MYO1C: variants seen among roughly 807,000 people sequenced by gnomAD.
MYO1C encodes myosin IC, also known as unconventional myosin-Ic.
Under a neutral mutation model 150.8 loss-of-function variants are expected in MYO1C, and 104 were observed. That is an observed-to-expected ratio of 0.69 (90% CI 0.59 to 0.81). MYO1C has a LOEUF of 0.81. Among genes scored for constraint, MYO1C ranks in the 30% least tolerant of loss-of-function variants. The pLI, the probability that MYO1C is intolerant of heterozygous loss-of-function variation, is 0.00. For missense variants in MYO1C, 1,504 were observed against 1,435.0 expected (o/e 1.05, Z -0.78); for synonymous variants, 663 against 579.9 (o/e 1.14, Z -2.06).
rs555554012 is a variant in MYO1C at position 1,477,933 on chromosome 17, A to G, written c.1440T>C (p.Cys480=). The part of the protein sequence containing the change: ...PVQYFNNKII[C]DLVEEKFKGI... The stretch of plus-strand genomic sequence containing the variant: ...CCTTAAACTTCTCCTCCACCAGATC[A>G]CAGATGATTTTGTTGTTGAAATACT... The change falls in exon 13 of 32, where the codon TGT becomes TGC. Residue 480 remains cysteine, a synonymous_variant. Coordinates refer to ENST00000648651, the MANE Select transcript of MYO1C (RefSeq NM_001080779.2). 9 of 1,614,166 alleles carry G rather than the reference A, an allele frequency of 5.6e-6. No homozygotes were observed. In the Admixed American group the frequency reaches 1.3e-4, roughly 24 times the overall value.
chr17:1,477,834 G>T, intron 13 of MYO1C, 57 bp downstream of exon 13: 1 of 1,490,440 alleles, frequency 6.7e-7, no homozygotes, highest in South Asian at 1.1e-5. Flanking sequence ...AACGGAGAAG[G>T]GGGACATCCT....
chr17:1,475,591 C>T (rs552504765), intron 14 of MYO1C, among the ~76,000 whole-genome samples: 22 of 152,362 alleles, frequency 1.4e-4, no homozygotes, highest in East Asian at 7.7e-4. Flanking sequence ...TTGCTTCGGC[C>T]GCTGCGGGCT....
At chr17:1,491,663 G>T (rs2150972250) in intron 1 of MYO1C, 3 of 980,426 alleles carry the variant, frequency 3.1e-6, no homozygotes, top group Non-Finnish European at 3.6e-6. Context: ...GGGGATCCGC[G>T]GCCCGGGCGC....
chr17:1,477,730 AC>A, intron 13 of MYO1C, 134 bp from the exon 14 acceptor site: 1 of 993,060 alleles, frequency 1.0e-6, no homozygotes, highest in South Asian at 1.3e-5. Flanking sequence ...AGAGCTTCCA[AC>A]TGGGGCGGCA....
At position 1,471,950 on chromosome 17, in the gene MYO1C, C is replaced by G. The variant is rs1440257643; in HGVS notation, c.1978G>C (p.Ala660Pro). 1 of 1,614,166 alleles carries G rather than the reference C, an allele frequency of 6.2e-7. No homozygotes were observed. Among genetic ancestry groups the G allele is most frequent in the South Asian group, 1.1e-5 (1 of 91,090 alleles). Reference protein sequence around the residue: ...GLLENLRVRRAGFAYRRKYEA... With the variant: ...GLLENLRVRRPGFAYRRKYEA... The stretch of plus-strand genomic sequence containing the variant: ...TATTTGCGGCGATAGGCAAAGCCGG[C>G]TCTGCGCACGCGCAGGTTTTCCAAC... The change falls in exon 19 of 32, where the codon GCC becomes CCC. Residue 660 changes from alanine to proline, a missense_variant. By Grantham distance (27) the Ala-to-Pro change is conservative. Coordinates refer to ENST00000648651, the MANE Select transcript of MYO1C (RefSeq NM_001080779.2).
At chr17:1,472,783 G>A (rs1451039358) in intron 17 of MYO1C, among the ~76,000 whole-genome samples, 2 of 149,858 alleles carry the variant, frequency 1.3e-5, no homozygotes, top group African/African-American at 5.1e-5. Flanking sequence ...ATGACGCTCT[G>A]CTGAGCTTTA....
In MYO1C at chr17:1,479,525, C is replaced by G. The variant is rs115442427; in HGVS notation, c.1021-23G>C. On this transcript the variant is annotated intron_variant, in intron 8 of 31. Transcript: ENST00000648651. The surrounding 1 kb of genome is among the most constrained non-coding windows in gnomAD (Gnocchi z 4.2). ...GAGCTGCCAAGGGCAGGCGAGGACA[C>G]GGTGAGGGTGCACCCCCAGCCCCCG... 6.6e-7 allele frequency: 1 copy of G among 1,505,658 alleles called. No individual in the cohort carries two copies. Among genetic ancestry groups the G allele is most frequent in the South Asian group, 1.2e-5 (1 of 83,950 alleles). The allele number at this position is 1,505,658 out of a possible 1,614,324, so 93.3% of individuals were successfully genotyped here. A position where few individuals can be genotyped will look rare whatever the true frequency, so the allele number is the denominator to read the frequency against.
chr17:1,478,303 C>G lies in MYO1C; in HGVS notation c.1295+107G>C. The G allele has an allele frequency of 6.4e-7, 1 of 1,557,994 alleles. No homozygotes were observed. The highest frequency in any genetic ancestry group is 2.2e-5 in the East Asian group (1 of 44,602). On this transcript the variant is annotated intron_variant, in intron 11 of 31. Coordinates refer to ENST00000648651, the MANE Select transcript of MYO1C (RefSeq NM_001080779.2). The surrounding 1 kb of genome is among the most constrained non-coding windows in gnomAD (Gnocchi z 6.3). ...AGGAGGTGAGAAACACAGAGACAGT[C>G]CCCGGCTGGCTGGGGAGTCACAGGG...
chr17:1,483,546 G>A, intron 3 of MYO1C, 64 bp downstream of exon 3: 2 of 1,188,734 alleles, frequency 1.7e-6, no homozygotes, highest in African/African-American at 1.5e-5. Flanking sequence ...TAAGGTAAGG[G>A]TTGGGCGGGG....
rs760799167 is a variant in MYO1C, at chr17:1,469,531, C to T, written c.2610G>A (p.Gln870=). 3 of 1,609,790 alleles carry T rather than the reference C, an allele frequency of 1.9e-6. No individual in the cohort carries two copies. Among genetic ancestry groups the T allele is most frequent in the Non-Finnish European group, 8.5e-7 (1 of 1,177,656 alleles). ...CRSISPEWKQ[Q]LQQKAVASEI... ...CCTCACCCAGCCCCGCTCTCCGTAC[C>T]TGCTGCTTCCACTCAGGGCTGATAC... The change falls in exon 25 of 32, where the codon CAG becomes CAA. Residue 870 remains glutamine, a splice_region_variant and synonymous_variant. Coordinates refer to ENST00000648651, the MANE Select transcript of MYO1C (RefSeq NM_001080779.2).
At position 1,466,249 on chromosome 17, in the gene MYO1C, C is replaced by T. The variant is rs149422520; in HGVS notation, c.3166-497G>A. Among the ~76,000 whole-genome samples, 55 of 150,614 alleles carry T rather than the reference C, an allele frequency of 3.7e-4. No individual in the cohort carries two copies. The East Asian group carries it at 9.6e-3, about 26-fold the overall frequency. ...TCTTGGGTCTCATTGCAGCCTCAAC[C>T]TCCTGGGCTCAAGCAATCCTCTCAT... On this transcript the variant is annotated intron_variant, in intron 31 of 31. Transcript: ENST00000648651.
chr17:1,469,235 T>G, intron 25 of MYO1C: 2 of 433,276 alleles, frequency 4.6e-6, no homozygotes, highest in South Asian at 2.2e-5. Flanking sequence ...TAGACCGGGG[T>G]CAATACTATA....
rs150633711 is a variant in MYO1C, at chr17:1,469,568, T to A, written c.2573A>T (p.Lys858Ile). ...RELCIKNMVW[K>I]YCRSISPEWK... Reference sequence around the variant, plus strand: ...CTCAGGGCTGATACTCCGGCAGTATTTCCACACCATGTTCTTTATGCACAA... The same window carrying A: ...CTCAGGGCTGATACTCCGGCAGTATATCCACACCATGTTCTTTATGCACAA... The change falls in exon 25 of 32, where the codon AAA (lysine) becomes ATA (isoleucine). Residue 858 changes from lysine to isoleucine, a missense_variant. Physicochemically the swap from Lys to Ile is moderately radical, Grantham distance 102. Transcript: ENST00000648651. 39 of 1,613,254 alleles carry A rather than the reference T, an allele frequency of 2.4e-5. No homozygotes were observed. The highest frequency in any genetic ancestry group is 3.2e-5 in the Non-Finnish European group (38 of 1,179,798).
chr17:1,491,690 G>T (rs1031670451), intron 1 of MYO1C: 2 of 974,294 alleles, frequency 2.1e-6, no homozygotes, highest in African/African-American at 3.5e-5. Flanking sequence ...CCCGCCCAGG[G>T]CCCGCCGGGG....
intron 30 of MYO1C, 37 bp from the exon 31 acceptor site, chr17:1,467,378 G>A: frequency 1.2e-6 from 2 of 1,600,704 alleles, no homozygotes; most frequent in African/African-American, 1.3e-5. Context: ...TTTCCATGGA[G>A]GCAGACCCCC....
At chr17:1,484,369 GC>G in intron 1 of MYO1C, 66 bp from the exon 2 acceptor site, 1 of 1,576,674 alleles carries the variant, frequency 6.3e-7, no homozygotes, top group Admixed American at 1.7e-5. Context: ...ACTTCCCTGC[GC>G]CTGTGGGACT....
At position 1,478,018 on chromosome 17, in the gene MYO1C, C is replaced by CCT; in HGVS notation, c.1402-49_1402-48dup. ...AGGGATCACCGTGGGGTCCTGGCAC[C>CCT]CTCTCCCAGGGGCCCCGATACCCAG... On this transcript the variant is annotated intron_variant, in intron 12 of 31. Coordinates refer to ENST00000648651, the MANE Select transcript of MYO1C (RefSeq NM_001080779.2). This position sits in a 1 kb window ranked among gnomAD's most constrained non-coding sequence, Gnocchi z 6.3. The CCT allele has an allele frequency of 6.2e-7, 1 of 1,612,002 alleles. No homozygotes were observed. Among genetic ancestry groups the CCT allele is most frequent in the Non-Finnish European group, 8.5e-7 (1 of 1,178,092 alleles).
rs200938541 is a variant in MYO1C, at chr17:1,477,600, G to C, written c.1483-4C>G. 1.9e-6 allele frequency: 3 copies of C among 1,611,358 alleles called. No homozygotes were observed. The highest frequency in any genetic ancestry group is 1.3e-5 in the African/African-American group (1 of 74,874). ...CGGGGCGCAGACACTCCTCATCCTG[G>C]GGGGTGTGGCACAGGGGGAAGGACG... On this transcript the variant is annotated splice_polypyrimidine_tract_variant and splice_region_variant and intron_variant, in intron 13 of 31. Coordinates refer to ENST00000648651, the MANE Select transcript of MYO1C (RefSeq NM_001080779.2).
At position 1,471,082 on chromosome 17, in the gene MYO1C, C is replaced by G. The variant is rs747822080; in HGVS notation, c.2201G>C (p.Arg734Pro). 6.2e-7 allele frequency: 1 copy of G among 1,614,062 alleles called. No homozygotes were observed. Among genetic ancestry groups the G allele is most frequent in the Non-Finnish European group, 8.5e-7 (1 of 1,179,978 alleles). ...FATEDALEVRRQSLATKIQAA... is the reference protein window; with the variant it reads ...FATEDALEVRPQSLATKIQAA... Reference sequence around the variant, plus strand: ...GGCCTCTCTCTCACCCAGGCTCTGCCGCCGGACCTCCAGGGCATCCTCTGT... The same window carrying G: ...GGCCTCTCTCTCACCCAGGCTCTGCGGCCGGACCTCCAGGGCATCCTCTGT... Residue 734 changes from arginine (R) to proline (P), a missense_variant, in exon 21 of 32, where the codon CGG (arginine) becomes CCG (proline). Arg to Pro is a moderately radical substitution (Grantham distance 103, BLOSUM62 -2). Transcript: ENST00000648651.
Sources: allele counts gnomAD v4.1 joint callset (sites outside exome capture counted in the v4.1 genomes callset), GRCh38; gene constraint gnomAD v4.1.1; non-coding constraint Gnocchi (gnomAD v3.1); transcripts MANE v1.5; gene names NCBI Gene and HGNC (gene_info 2026-07-23, HGNC 2026-07-21).